Variants in LYPD6B observed in about 807,000 individuals in gnomAD.
LYPD6B encodes ly6/PLAUR domain-containing protein 6B.
Under a neutral mutation model 22.8 loss-of-function variants are expected in LYPD6B, and 17 were observed. That is an observed-to-expected ratio of 0.75 (90% CI 0.51 to 1.12). LYPD6B has a LOEUF of 1.12. Ranked by LOEUF, LYPD6B falls within the 50% of genes most tolerant of loss-of-function variation. The pLI, the probability that LYPD6B is intolerant of heterozygous loss-of-function variation, is 0.00. For synonymous variants in LYPD6B, 106 were observed against 91.6 expected (o/e 1.16, Z -0.90); for missense variants, 221 against 258.3 (o/e 0.86, Z 0.99).
At chr2:149,154,089 G>C (rs1689544223) in intron 2 of LYPD6B, 1 of 928,434 alleles carries the variant, frequency 1.1e-6, no homozygotes, top group African/African-American at 1.8e-5. Flanking sequence ...TTCTCATTTT[G>C]AATATTATAG....
chr2:149,064,939 G>C (rs1016751245), intron 1 of LYPD6B, among the ~76,000 whole-genome samples: 1 of 152,112 alleles, frequency 6.6e-6, no homozygotes, highest in Non-Finnish European at 1.5e-5. Context: ...AGTTTGAGTG[G>C]GGCCTCAGTA....
chr2:149,091,438 C>T (rs2105441596), intron 1 of LYPD6B, among the ~76,000 whole-genome samples: 1 of 151,650 alleles, frequency 6.6e-6, no homozygotes, highest in Admixed American at 6.6e-5. Flanking sequence ...CTATTGAGAG[C>T]CTTCAGATCT....
At chr2:149,206,427 A>G (rs1166908732) in intron 4 of LYPD6B, among the ~76,000 whole-genome samples, 2 of 152,170 alleles carry the variant, frequency 1.3e-5, no homozygotes, top group Non-Finnish European at 2.9e-5. Flanking sequence ...ATATACTTAC[A>G]TATACTACAC....
intron 3 of LYPD6B, among the ~76,000 whole-genome samples, chr2:149,175,955 C>A (rs1691272573): frequency 6.6e-6 from 1 of 151,630 alleles, no homozygotes; most frequent in African/African-American, 2.4e-5. Context: ...GTATACAGTT[C>A]ACTTTTTAAA....
At chr2:149,042,100 A>G (rs1350838103) in intron 1 of LYPD6B, among the ~76,000 whole-genome samples, 2 of 152,218 alleles carry the variant, frequency 1.3e-5, no homozygotes, top group African/African-American at 2.4e-5. Context: ...TTGTTTCAGT[A>G]TTGTTAACTG....
At chr2:149,160,885 C>G (rs1055236599) in intron 3 of LYPD6B, 50 bp downstream of exon 3, 3 of 1,357,978 alleles carry the variant, frequency 2.2e-6, no homozygotes, top group Middle Eastern at 1.9e-4. Context: ...TTTGGGAGCT[C>G]TGGTTAAGTT....
chr2:149,187,592 T>A, intron 3 of LYPD6B: 1 of 1,333,856 alleles, frequency 7.5e-7, no homozygotes, highest in Non-Finnish European at 9.8e-7. Flanking sequence ...AGGTGCCCCG[T>A]AAATATTGGT....
At chr2:149,209,078 A>T (rs1403387812) in intron 5 of LYPD6B, among the ~76,000 whole-genome samples, 1 of 152,186 alleles carries the variant, frequency 6.6e-6, no homozygotes, top group Admixed American at 6.5e-5. Context: ...CTGGCTGCAG[A>T]GGCTTAGTGG....
intron 1 of LYPD6B, among the ~76,000 whole-genome samples, chr2:149,125,511 T>A (rs1363263578): frequency 6.6e-6 from 1 of 152,094 alleles, no homozygotes; most frequent in Non-Finnish European, 1.5e-5. Context: ...AGGACAGGCT[T>A]GGCTGGAGTG....
At chr2:149,109,857 G>C (rs1313051823) in intron 1 of LYPD6B, among the ~76,000 whole-genome samples, 2 of 150,332 alleles carry the variant, frequency 1.3e-5, no homozygotes, top group East Asian at 3.9e-4. Flanking sequence ...GATTACAGCT[G>C]CATGCCACCA....
chr2:149,156,422 G>T (rs2046268), intron 2 of LYPD6B, among the ~76,000 whole-genome samples: 42,399 of 152,026 alleles, frequency 0.28, 7,227 homozygotes, highest in East Asian at 0.55. Context: ...ATTAAGGGGA[G>T]GTGTCTTAGC....
At chr2:149,146,249 T>C (rs981421685) in intron 2 of LYPD6B, among the ~76,000 whole-genome samples, 1 of 152,122 alleles carries the variant, frequency 6.6e-6, no homozygotes, top group African/African-American at 2.4e-5. Context: ...TCTGTGAACC[T>C]TTATTAGGTG....
At chr2:149,159,233 T>G (rs960665952) in intron 2 of LYPD6B, among the ~76,000 whole-genome samples, 6 of 151,078 alleles carry the variant, frequency 4.0e-5, no homozygotes, top group Non-Finnish European at 8.8e-5. Flanking sequence ...TCCTTTGAGG[T>G]AGGGAAGGTT....
At position 149,135,528 on chromosome 2, in the gene LYPD6B, T is replaced by C. The variant is rs1412725263; in HGVS notation, c.5+4575T>C. 4.0e-5 allele frequency among the ~76,000 whole-genome samples: 6 copies of C among 151,830 alleles called. No individual in the cohort carries two copies. In the East Asian group the frequency reaches 1.2e-3, roughly 30 times the overall value. ...TGAGGTCAGGAGTTCGAGACCAGCC[T>C]GGCCAACATGGTGAAACCCCATCTC... On this transcript the variant is annotated intron_variant, in intron 2 of 6. Transcript: ENST00000409642.
chr2:149,120,383 A>ATATATATATTTTTTTTTT (rs1327065975), intron 1 of LYPD6B, among the ~76,000 whole-genome samples: 2 of 48,614 alleles, frequency 4.1e-5, no homozygotes, highest in African/African-American at 2.1e-4. Context: ...ATATATATAT[A>ATATATATATTTTTTTTTT]TTTTTTTTTT....
intron 1 of LYPD6B, among the ~76,000 whole-genome samples, chr2:149,039,694 T>G (rs1558961750): frequency 6.6e-6 from 1 of 152,178 alleles, no homozygotes; most frequent in African/African-American, 2.4e-5. Context: ...TGTGTTGATG[T>G]GGTGATGTGT....
intron 1 of LYPD6B, among the ~76,000 whole-genome samples, chr2:149,067,095 A>G (rs781585651): frequency 6.6e-6 from 1 of 152,182 alleles, no homozygotes; most frequent in African/African-American, 2.4e-5. Context: ...TTTGCTTAGG[A>G]CAATGGCTTC....
rs1025974889 is a variant in LYPD6B at position 149,120,700 on chromosome 2, TA to T, written c.-66-10181del. Among the ~76,000 whole-genome samples, 21 of 150,606 alleles carry T rather than the reference TA, an allele frequency of 1.4e-4. No homozygotes were observed. In the Middle Eastern group the frequency reaches 0.01, roughly 74 times the overall value. ...GCCTGGCTGCATATATATTTTTACATAATTAAAATTCTGATGCACGTCCAAA... is the reference window on the plus strand; with the variant it reads ...GCCTGGCTGCATATATATTTTTACATATTAAAATTCTGATGCACGTCCAAA... On this transcript the variant is annotated intron_variant, in intron 1 of 6. Coordinates refer to ENST00000409642, the MANE Select transcript of LYPD6B (RefSeq NM_177964.5).
chr2:149,187,394 G>A (rs1169583688), intron 3 of LYPD6B: 15 of 1,491,726 alleles, frequency 1.0e-5, no homozygotes, highest in Non-Finnish European at 1.3e-5. Flanking sequence ...CCCATGACTT[G>A]ATACAATTGT....
Sources: gnomAD v4.1 joint callset for allele counts (sites outside exome capture counted in the v4.1 genomes callset) on GRCh38, gnomAD v4.1.1 for gene constraint, MANE v1.5 for transcripts, NCBI Gene and HGNC (gene_info 2026-07-23, HGNC 2026-07-21) for gene names.